FRMD3: variants seen among roughly 807,000 people sequenced by gnomAD.
The protein encoded by FRMD3 is FERM domain containing 3, also known as FERM domain-containing protein 3.
FRMD3 carries 33 observed loss-of-function variants against 70.2 expected under a neutral mutation model. That is an observed-to-expected ratio of 0.47 (90% CI 0.36 to 0.63). The LOEUF is 0.63. FRMD3 is among the 20% of genes least tolerant of loss of function. The pLI is 0.00. For synonymous variants in FRMD3, 279 were observed against 255.9 expected (o/e 1.09, Z -0.86); for missense variants, 632 against 711.4 (o/e 0.89, Z 1.27).
At chr9:83,377,179 T>A (rs539430833) in intron 2 of FRMD3, among the ~76,000 whole-genome samples, 5 of 152,304 alleles carry the variant, frequency 3.3e-5, no homozygotes, top group Admixed American at 2.6e-4. Flanking sequence ...TGAACTACTT[T>A]ACCATATCTT....
intron 1 of FRMD3, among the ~76,000 whole-genome samples, chr9:83,430,535 T>C (rs1419098063): frequency 6.6e-6 from 1 of 152,220 alleles, no homozygotes; most frequent in East Asian, 1.9e-4. Flanking sequence ...TCTCTCCACA[T>C]ATTTGTTCCT....
intron 1 of FRMD3, among the ~76,000 whole-genome samples, chr9:83,466,012 C>T (rs1251531495): frequency 3.9e-5 from 6 of 152,216 alleles, no homozygotes; most frequent in Admixed American, 3.9e-4. Context: ...TCCTCATCTC[C>T]GTTCACATCC....
rs1240665672 is a variant in FRMD3 at position 83,272,260 on chromosome 9, C to T, written c.1195+18343G>A. Among the ~76,000 whole-genome samples the T allele has an allele frequency of 1.6e-4, 25 of 151,996 alleles. No individual in the cohort carries two copies. In the East Asian group the frequency reaches 3.5e-3, roughly 21 times the overall value. ...CTGGGATTGCAGGCGGGCGCCGCCA[C>T]GCCTGACTGGTTTTCGTTTTTTTTT... is the stretch of plus-strand genomic sequence containing the variant. On this transcript the variant is annotated intron_variant, in intron 13 of 13. Transcript: ENST00000304195.
intron 3 of FRMD3, among the ~76,000 whole-genome samples, chr9:83,357,238 A>T (rs1226767043): frequency 2.5e-4 from 1 of 3,980 alleles, no homozygotes; most frequent in African/African-American, 7.5e-4. Flanking sequence ...ATATATATAT[A>T]ATACATACAT....
chr9:83,314,965 A>G (rs1386446127), intron 6 of FRMD3, among the ~76,000 whole-genome samples: 1 of 151,890 alleles, frequency 6.6e-6, no homozygotes, highest in Non-Finnish European at 1.5e-5. Flanking sequence ...TTTTGGTACT[A>G]TGCTCTGAAT....
intron 2 of FRMD3, among the ~76,000 whole-genome samples, chr9:83,384,145 C>T (rs553704358): frequency 2.0e-5 from 3 of 152,362 alleles, no homozygotes; most frequent in Non-Finnish European, 4.4e-5. Flanking sequence ...CACACACACA[C>T]AGACACCCAA....
chr9:83,506,290 A>C (rs1829180491), intron 1 of FRMD3, among the ~76,000 whole-genome samples: 2 of 152,222 alleles, frequency 1.3e-5, no homozygotes, highest in Admixed American at 6.5e-5. Context: ...AAGAAACCAA[A>C]TAATGGAATA....
chr9:83,536,822 G>A (rs1829901161), intron 1 of FRMD3, among the ~76,000 whole-genome samples: 1 of 150,642 alleles, frequency 6.6e-6, no homozygotes, highest in South Asian at 2.1e-4. Flanking sequence ...AACAGGGAAA[G>A]TCCTTTCATT....
At chr9:83,354,357 T>A (rs140284828) in intron 3 of FRMD3, among the ~76,000 whole-genome samples, 1 of 152,180 alleles carries the variant, frequency 6.6e-6, no homozygotes, top group Non-Finnish European at 1.5e-5. Context: ...TGCAGCAACA[T>A]GAATGTAGCT....
chr9:83,431,636 C>T (rs1281621857), intron 1 of FRMD3, among the ~76,000 whole-genome samples: 1 of 152,072 alleles, frequency 6.6e-6, no homozygotes, highest in East Asian at 1.9e-4. Context: ...AGAGTATCAG[C>T]TTTTGCTGAA....
chr9:83,295,698 C>T lies in FRMD3; in HGVS notation c.1070+3050G>A, dbSNP rs898296972. 2.0e-4 allele frequency among the ~76,000 whole-genome samples: 31 copies of T among 152,258 alleles called. 1 individual carries two copies. Among genetic ancestry groups the T allele is most frequent in the African/African-American group, 6.3e-4 (26 of 41,542 alleles). ...TGACCCCTACACAGGTGCTTGTGTT[C>T]GGTAAAAATGCTGCCTCAGAGTGTC... On this transcript the variant is annotated intron_variant, in intron 12 of 13. Coordinates refer to ENST00000304195, the MANE Select transcript of FRMD3 (RefSeq NM_174938.6).
chr9:83,243,596 T>G (rs7874181), downstream of FRMD3, among the ~76,000 whole-genome samples: 24,726 of 152,150 alleles, frequency 0.16, 2,616 homozygotes, highest in East Asian at 0.59. Context: ...CCAAAGGCAC[T>G]GGCTTGAGAT....
chr9:83,501,486 A>G (rs1337349805), intron 1 of FRMD3, among the ~76,000 whole-genome samples: 1 of 152,218 alleles, frequency 6.6e-6, no homozygotes, highest in African/African-American at 2.4e-5. Context: ...GAGCACTATA[A>G]TACATTCAGG....
At chr9:83,403,183 C>A (rs1826002053) in intron 1 of FRMD3, among the ~76,000 whole-genome samples, 1 of 152,024 alleles carries the variant, frequency 6.6e-6, no homozygotes, top group African/African-American at 2.4e-5. Context: ...GACTTACAGG[C>A]GTGAGCCACC....
intron 10 of FRMD3, 69 bp downstream of exon 10, chr9:83,309,467 A>C: frequency 2.3e-6 from 2 of 885,122 alleles, no homozygotes; most frequent in Non-Finnish European, 3.6e-6. Context: ...ATATGCAGCC[A>C]TTTGCAAAAC....
chr9:83,449,691 G>A (rs1827585387), intron 1 of FRMD3, among the ~76,000 whole-genome samples: 1 of 152,226 alleles, frequency 6.6e-6, no homozygotes, highest in Admixed American at 6.5e-5. Context: ...GGTGAAAACA[G>A]ATGCAGAGGT....
At chr9:83,323,522 G>C (rs1005875009) in intron 6 of FRMD3, among the ~76,000 whole-genome samples, 1 of 152,158 alleles carries the variant, frequency 6.6e-6, no homozygotes, top group Non-Finnish European at 1.5e-5. Flanking sequence ...TTGCCTTCAT[G>C]AATATATTCA....
Position 83,245,690 on chromosome 9 carries a change from G to A in FRMD3, c.*2228C>T, listed in dbSNP as rs750068820. On this transcript the variant is annotated 3_prime_UTR_variant, in exon 14 of 14. Coordinates refer to ENST00000304195, the MANE Select transcript of FRMD3 (RefSeq NM_174938.6). The stretch of plus-strand genomic sequence containing the variant: ...ATATAATATTATTTTGAAAGACTGA[G>A]GGCCAGATGATTTGTCATAGTCAGA... 3 of 961,452 alleles carry A rather than the reference G, an allele frequency of 3.1e-6. No individual in the cohort carries two copies. Among genetic ancestry groups the A allele is most frequent in the Non-Finnish European group, 3.7e-6 (3 of 808,330 alleles). The allele number at this position is 961,452 out of a possible 1,614,324, so 59.6% of individuals were successfully genotyped here.
chr9:83,457,816 A>C (rs1370132345), intron 1 of FRMD3, among the ~76,000 whole-genome samples: 2 of 152,118 alleles, frequency 1.3e-5, no homozygotes, highest in East Asian at 3.9e-4. Flanking sequence ...AATTGTAACT[A>C]TGTGAGATGA....
Sources: allele counts gnomAD v4.1 joint callset (sites outside exome capture counted in the v4.1 genomes callset), GRCh38; gene constraint gnomAD v4.1.1; transcripts MANE v1.5; gene names NCBI Gene and HGNC (gene_info 2026-07-23, HGNC 2026-07-21).